Variants in AMOT observed in about 807,000 individuals in gnomAD.
AMOT encodes the protein angiomotin.
In AMOT, 11 loss-of-function variants were observed where a neutral mutation model predicts 67.0. The observed-to-expected ratio is 0.16, with a 90% CI of 0.10 to 0.27. The LOEUF is 0.27. Among genes scored for constraint, AMOT ranks in the 10% least tolerant of loss-of-function variants. AMOT has a pLI of 1.00. For synonymous variants in AMOT, 326 were observed against 321.4 expected (o/e 1.01, Z -0.15); for missense variants, 753 against 852.0 (o/e 0.88, Z 1.45).
intron 7 of AMOT, among the ~76,000 whole-genome samples, chrX:112,808,253 CAG>C (rs1294554066): frequency 8.9e-6 from 1 of 112,068 alleles, no homozygotes; most frequent in Non-Finnish European, 1.9e-5. Flanking sequence ...TATGAGAAAA[CAG>C]AGACCCAGAC....
At position 112,778,557 on chromosome X, in the gene AMOT, A is replaced by G. The variant is rs778396438; in HGVS notation, c.*10T>C. ...TTTTGCTGATAATCTGCAGCTCTTG[A>G]TTTGGCCGTTTAGATGAGATATTCC... On this transcript the variant is annotated 3_prime_UTR_variant, in exon 14 of 14. Coordinates refer to ENST00000371959, the MANE Select transcript of AMOT (RefSeq NM_001113490.2). 6.2e-5 allele frequency: 73 copies of G among 1,186,892 alleles called. No individual in the cohort carries two copies. The highest frequency in any genetic ancestry group is 1.1e-4 in the Admixed American group (5 of 44,330).
chrX:112,797,986 T>C (rs942527461), intron 8 of AMOT, among the ~76,000 whole-genome samples: 3 of 111,844 alleles, frequency 2.7e-5, no homozygotes, highest in South Asian at 7.5e-4. Context: ...GTACCTATTA[T>C]ATCCAAGGCA....
chrX:112,805,574 T>C (rs1934153925), intron 7 of AMOT, among the ~76,000 whole-genome samples: 1 of 111,498 alleles, frequency 9.0e-6, no homozygotes. Flanking sequence ...ATAAACTGGA[T>C]AAAAGCTCAT....
At chrX:112,810,785 T>C (rs1208242366) in intron 6 of AMOT, among the ~76,000 whole-genome samples, 1 of 111,554 alleles carries the variant, frequency 9.0e-6, no homozygotes, top group Non-Finnish European at 1.9e-5. Flanking sequence ...TTGAAGGTGC[T>C]GAAGGCACTT....
At position 112,811,372 on chromosome X, in the gene AMOT, C is replaced by G. The variant is rs41300179; in HGVS notation, c.1414G>C (p.Val472Leu). 6.6e-6 allele frequency: 8 copies of G among 1,204,074 alleles called. No individual in the cohort carries two copies. Among genetic ancestry groups the G allele is most frequent in the Non-Finnish European group, 3.4e-6 (3 of 892,170 alleles). ...LQKVETEIQR[V>L]SEAYENLVKS... ...ACGAGGTTCTCATATGCCTCCGAGA[C>G]GCGCTGGATTTCTGTCTCCACCTTA... The change falls in exon 6 of 14, where the codon GTC becomes CTC. Residue 472 changes from valine to leucine, a missense_variant. Val to Leu is a conservative substitution (Grantham distance 32). Coordinates refer to ENST00000371959, the MANE Select transcript of AMOT (RefSeq NM_001113490.2).
At chrX:112,779,713 C>A (rs763247728) in intron 12 of AMOT, 33 bp from the exon 13 acceptor site, 12 of 1,050,790 alleles carry the variant, frequency 1.1e-5, no homozygotes, top group Non-Finnish European at 1.3e-5. Flanking sequence ...TGTTAGAAAA[C>A]AATAGGTGAT....
intron 11 of AMOT, among the ~76,000 whole-genome samples, chrX:112,781,815 C>A (rs182459637): frequency 2.7e-5 from 3 of 111,801 alleles, no homozygotes; most frequent in African/African-American, 9.8e-5. Flanking sequence ...GAGCGACAAC[C>A]TGCAGGTAGT....
chrX:112,816,797 C>G (rs867411163), intron 4 of AMOT, among the ~76,000 whole-genome samples: 3 of 111,927 alleles, frequency 2.7e-5, no homozygotes, highest in Middle Eastern at 4.6e-3. Context: ...GATTTCCAAC[C>G]TATTGCTCAT....
chrX:112,798,842 T>C (rs141168694), intron 8 of AMOT, among the ~76,000 whole-genome samples: 424 of 111,839 alleles, frequency 3.8e-3, no homozygotes, highest in Admixed American at 8.4e-3. Context: ...ATCAATCATA[T>C]GATTTTCCAT....
chrX:112,815,116 C>T (rs1254685112), intron 5 of AMOT, among the ~76,000 whole-genome samples: 2 of 111,580 alleles, frequency 1.8e-5, no homozygotes, highest in Non-Finnish European at 3.8e-5. Flanking sequence ...AGGGCTATAG[C>T]GTCTGGAAAA....
chrX:112,812,441 CA>C (rs761300613), intron 5 of AMOT, among the ~76,000 whole-genome samples: 2 of 111,232 alleles, frequency 1.8e-5, no homozygotes, highest in Non-Finnish European at 3.8e-5. Context: ...AACACAAAAT[CA>C]TAATCAGAGT....
chrX:112,821,433 A>T (rs1041979380), intron 4 of AMOT, among the ~76,000 whole-genome samples: 6 of 112,010 alleles, frequency 5.4e-5, no homozygotes, highest in Non-Finnish European at 7.5e-5. Context: ...CAATGAACAG[A>T]ATCATAGAAT....
intron 7 of AMOT, among the ~76,000 whole-genome samples, chrX:112,808,715 T>C (rs997028543): frequency 1.8e-5 from 2 of 111,990 alleles, no homozygotes; most frequent in African/African-American, 6.5e-5. Context: ...AAAGAATCTA[T>C]ACATTTTGTT....
intron 12 of AMOT, 79 bp downstream of exon 12, chrX:112,780,807 C>T: frequency 2.9e-6 from 3 of 1,047,144 alleles, no homozygotes; most frequent in Non-Finnish European, 3.9e-6. Flanking sequence ...ACCATCATCC[C>T]TTTTCCTTAA....
intron 11 of AMOT, among the ~76,000 whole-genome samples, chrX:112,781,808 C>A (rs149092697): frequency 1.8e-5 from 2 of 111,551 alleles, no homozygotes; most frequent in Admixed American, 9.5e-5. Context: ...TATGAATGAG[C>A]GACAACCTGC....
At chrX:112,781,698 A>G (rs768205335) in intron 11 of AMOT, among the ~76,000 whole-genome samples, 36 of 110,779 alleles carry the variant, frequency 3.2e-4, no homozygotes, top group African/African-American at 1.1e-3. Context: ...AGTACCAGTG[A>G]AAAAAAAGGC....
At chrX:112,826,790 T>C (rs1030540652) in intron 2 of AMOT, among the ~76,000 whole-genome samples, 2 of 112,392 alleles carry the variant, frequency 1.8e-5, no homozygotes, top group African/African-American at 6.5e-5. Flanking sequence ...CAGCTCTTCA[T>C]TGAGAAAACT....
At position 112,779,310 on chromosome X, in the gene AMOT, T is replaced by A. The variant is rs1488536176; in HGVS notation, c.2844A>T (p.Pro948=). 5.6e-6 allele frequency: 4 copies of A among 719,326 alleles called. No individual in the cohort carries two copies. The highest frequency in any genetic ancestry group is 4.3e-6 in the Non-Finnish European group (2 of 464,495). The allele number at this position is 719,326 out of a possible 1,213,427, so 59.3% of individuals were successfully genotyped here. A position where few individuals can be genotyped will look rare whatever the true frequency, so the allele number is the denominator to read the frequency against. ...CAGCTGAGGCAACAGAGGCAGCAGCTGGAATCTGACCAGCAGCAGCTGGAG... is the reference window on the plus strand; with the variant it reads ...CAGCTGAGGCAACAGAGGCAGCAGCAGGAATCTGACCAGCAGCAGCTGGAG... ...AVSPAAAGQI[P]AAASVASAAA... Residue 948 remains proline, a synonymous_variant, in exon 13 of 14, where the codon CCA becomes CCT. Transcript: ENST00000371959.
At chrX:112,800,414 G>A (rs772907947) in intron 8 of AMOT, among the ~76,000 whole-genome samples, 2 of 111,975 alleles carry the variant, frequency 1.8e-5, no homozygotes, top group South Asian at 7.5e-4. Context: ...GGGTGGATAT[G>A]TATTTTATCT....
Sources: gnomAD v4.1 joint callset for allele counts (sites outside exome capture counted in the v4.1 genomes callset) on GRCh38, gnomAD v4.1.1 for gene constraint, MANE v1.5 for transcripts, NCBI Gene and HGNC (gene_info 2026-07-23, HGNC 2026-07-21) for gene names.